The following MAD1L1 variants were observed in gnomAD, a reference collection of about 807,000 sequenced individuals.
MAD1L1 encodes the protein mitotic spindle assembly checkpoint protein MAD1.
A neutral mutation model predicts 96.9 loss-of-function variants in MAD1L1; 95 were observed. That is an observed-to-expected ratio of 0.98 (90% CI 0.83 to 1.16). The LOEUF (loss-of-function observed/expected upper bound fraction) is 1.16, where lower values mean the gene tolerates loss of function less well. Among genes scored for constraint, MAD1L1 ranks in the 50% most tolerant of loss-of-function variants. The probability of loss-of-function intolerance (pLI) is 0.00; values close to 1 mark genes in which losing one functional copy is unlikely to be tolerated. For missense variants in MAD1L1, 1,007 were observed against 954.4 expected, an observed-to-expected ratio of 1.06 and a Z score of -0.73; for synonymous variants, 473 against 396.6, an observed-to-expected ratio of 1.19 and a Z score of -2.29.
intron 14 of MAD1L1, among the ~76,000 whole-genome samples, chr7:1,982,005 G>C (rs1299633242): frequency 2.6e-5 from 4 of 151,922 alleles, no homozygotes; most frequent in Non-Finnish European, 5.9e-5. Context: ...CAACCCCAGC[G>C]CCCCAGGCCC....
At chr7:2,081,963 C>T (rs554940774) in intron 11 of MAD1L1, among the ~76,000 whole-genome samples, 1 of 152,276 alleles carries the variant, frequency 6.6e-6, no homozygotes, top group African/African-American at 2.4e-5. Context: ...CTTCCAGGGA[C>T]AGAGGAAAAT....
chr7:1,851,535 G>A (rs1783977894), intron 18 of MAD1L1, among the ~76,000 whole-genome samples: 1 of 152,146 alleles, frequency 6.6e-6, no homozygotes, highest in Non-Finnish European at 1.5e-5. Flanking sequence ...CGGGGCCCCG[G>A]GACAGCACGG....
At chr7:2,043,110 A>C (rs56720835) in intron 12 of MAD1L1, among the ~76,000 whole-genome samples, 7,027 of 152,256 alleles carry the variant, frequency 0.046, 266 homozygotes, top group African/African-American at 0.097. Flanking sequence ...TCCACGCAGA[A>C]TGCATTCAAT....
chr7:1,896,637 C>A (rs1407008994), intron 18 of MAD1L1, among the ~76,000 whole-genome samples: 1 of 152,226 alleles, frequency 6.6e-6, no homozygotes, highest in African/African-American at 2.4e-5. Flanking sequence ...ACAGCGGCCA[C>A]CTTTCGCGGG....
chr7:1,878,701 C>T (rs10265944), intron 18 of MAD1L1, among the ~76,000 whole-genome samples: 57,949 of 150,764 alleles, frequency 0.38, 11,687 homozygotes, highest in Admixed American at 0.51. Flanking sequence ...TGGATGCTTT[C>T]TCGCTAGCAT....
intron 11 of MAD1L1, among the ~76,000 whole-genome samples, chr7:2,073,770 T>G (rs1228018648): frequency 6.6e-6 from 1 of 152,164 alleles, no homozygotes; most frequent in Non-Finnish European, 1.5e-5. Context: ...CGCCAGGTTG[T>G]GAAGCAAACC....
At chr7:2,137,473 G>C (rs904409557) in intron 11 of MAD1L1, among the ~76,000 whole-genome samples, 1 of 152,122 alleles carries the variant, frequency 6.6e-6, no homozygotes, top group African/African-American at 2.4e-5. Context: ...GCATGTTACC[G>C]GTCTGCTTGG....
intron 14 of MAD1L1, among the ~76,000 whole-genome samples, chr7:1,996,741 G>A (rs946350497): frequency 6.6e-6 from 1 of 152,244 alleles, no homozygotes; most frequent in Admixed American, 6.5e-5. Flanking sequence ...GGGCCACAAA[G>A]GGAAATCAGC....
At chr7:1,903,453 T>G (rs1176378993) in intron 17 of MAD1L1, among the ~76,000 whole-genome samples, 1 of 115,418 alleles carries the variant, frequency 8.7e-6, no homozygotes, top group African/African-American at 3.9e-5. Context: ...GCAGCGAGGA[T>G]GCAGTGGGCT....
chr7:1,908,936 G>A (rs1473036366), intron 17 of MAD1L1, among the ~76,000 whole-genome samples: 1 of 152,188 alleles, frequency 6.6e-6, no homozygotes, highest in Admixed American at 6.5e-5. Flanking sequence ...CATGAGCAGC[G>A]GCCCCAGGGG....
chr7:1,975,055 T>G (rs2128481344), intron 15 of MAD1L1, among the ~76,000 whole-genome samples: 1 of 152,350 alleles, frequency 6.6e-6, no homozygotes, highest in Middle Eastern at 3.4e-3. Context: ...AGCCAGGCAG[T>G]GGGCTGGGGA....
At chr7:1,850,851 C>A (rs1783931073) in intron 18 of MAD1L1, among the ~76,000 whole-genome samples, 1 of 152,224 alleles carries the variant, frequency 6.6e-6, no homozygotes, top group Non-Finnish European at 1.5e-5. Context: ...AGCTCCTCCC[C>A]TCCTGGGATG....
chr7:2,076,929 C>T (rs1182683734), intron 11 of MAD1L1, among the ~76,000 whole-genome samples: 9 of 150,000 alleles, frequency 6.0e-5, no homozygotes, highest in African/African-American at 1.2e-4. Flanking sequence ...ATGGTCAGCC[C>T]GAGACAGTTA....
At position 2,103,926 on chromosome 7, in the gene MAD1L1, G is replaced by A. The variant is rs576708164; in HGVS notation, c.1074-34588C>T. On this transcript the variant is annotated intron_variant, in intron 11 of 18. Transcript: ENST00000265854. This position sits in a 1 kb window ranked among gnomAD's most constrained non-coding sequence, Gnocchi z 4.3. ...CATACAACACTCCACCCCGCTGGAC[G>A]TCGGAGAAAGAGGCCCCCAGACACA... Among the ~76,000 whole-genome samples the A allele has an allele frequency of 2.0e-4, 31 of 152,348 alleles. No individual in the cohort carries two copies. The highest frequency in any genetic ancestry group is 3.8e-4 in the Non-Finnish European group (26 of 68,044).
intron 14 of MAD1L1, among the ~76,000 whole-genome samples, chr7:1,983,085 C>T (rs1018335199): frequency 2.0e-5 from 3 of 152,014 alleles, no homozygotes; most frequent in Admixed American, 6.5e-5. Context: ...CACGTATGCG[C>T]GTGCATGCAC....
chr7:2,119,452 G>T lies in MAD1L1; in HGVS notation c.1073+29700C>A. Among the ~76,000 whole-genome samples the T allele has an allele frequency of 6.6e-6, 1 of 152,266 alleles. No homozygotes were observed. Among genetic ancestry groups the T allele is most frequent in the South Asian group, 2.1e-4 (1 of 4,824 alleles). On this transcript the variant is annotated intron_variant, in intron 11 of 18. Transcript: ENST00000265854. This position sits in a 1 kb window ranked among gnomAD's most constrained non-coding sequence, Gnocchi z 4.6. ...TGTCGTGGGGCGCACACTCTCTGTA[G>T]CTGGCCAAAGCTGGACGACGCCACA...
intron 18 of MAD1L1, among the ~76,000 whole-genome samples, chr7:1,882,556 G>T (rs953522683): frequency 4.6e-5 from 7 of 152,182 alleles, no homozygotes; most frequent in African/African-American, 1.4e-4. Context: ...GGGTGGCCTT[G>T]TCAGTTAACT....
At chr7:2,007,507 T>TCTC (rs879346504) in intron 13 of MAD1L1, among the ~76,000 whole-genome samples, 81,159 of 151,006 alleles carry the variant, frequency 0.54, 22,950 homozygotes, top group East Asian at 0.73. Flanking sequence ...CATGGTGAAA[T>TCTC]TACTAAAAAT....
intron 18 of MAD1L1, among the ~76,000 whole-genome samples, chr7:1,826,599 G>A (rs911160223): frequency 7.2e-5 from 11 of 152,300 alleles, no homozygotes; most frequent in African/African-American, 1.2e-4. Context: ...GGCGTCCCTC[G>A]GGGGAGACGA....
Sources: gnomAD v4.1 joint callset for allele counts (sites outside exome capture counted in the v4.1 genomes callset) on GRCh38, gnomAD v4.1.1 for gene constraint, Gnocchi (gnomAD v3.1) non-coding constraint, MANE v1.5 for transcripts, NCBI Gene and HGNC (gene_info 2026-07-23, HGNC 2026-07-21) for gene names.